Variants in NPIPB2 observed in about 807,000 individuals in gnomAD.
NPIPB2 encodes nuclear pore complex-interacting protein family member B2.
Under a neutral mutation model 30.8 loss-of-function variants are expected in NPIPB2, and 27 were observed. The ratio of observed to expected loss-of-function variants is 0.88; its 90% confidence interval spans 0.65 to 1.21. The LOEUF (loss-of-function observed/expected upper bound fraction) is 1.21, where lower values mean the gene tolerates loss of function less well. Among genes scored for constraint, NPIPB2 ranks in the 50% most tolerant of loss-of-function variants. NPIPB2 has a pLI of 0.00. For missense variants in NPIPB2, 440 were observed against 446.2 expected (o/e 0.99, Z 0.13); for synonymous variants, 147 against 162.0 (o/e 0.91, Z 0.70).
intron 1 of NPIPB2, among the ~76,000 whole-genome samples, chr16:11,950,696 T>C (rs2055053838): frequency 1.3e-5 from 2 of 151,904 alleles, no homozygotes; most frequent in Non-Finnish European, 2.9e-5. Context: ...TTTCTACCGC[T>C]CCCTCCCTCC....
upstream of NPIPB2, among the ~76,000 whole-genome samples, chr16:11,945,800 C>T (rs562607094): frequency 1.3e-5 from 2 of 152,156 alleles, no homozygotes; most frequent in East Asian, 1.9e-4. Context: ...CTATTCAGCC[C>T]ATGGGTTCTA....
chr16:11,940,738 CG>C (rs1305701890), intron 1 of NPIPB2, among the ~76,000 whole-genome samples: 2 of 115,430 alleles, frequency 1.7e-5, no homozygotes, highest in African/African-American at 3.3e-5. Context: ...CCAGCCTGGG[CG>C]ACAGAGTGAG....
intron 1 of NPIPB2, chr16:11,941,277 A>G: frequency 1.4e-6 from 2 of 1,413,912 alleles, no homozygotes; most frequent in South Asian, 1.2e-5. Flanking sequence ...TGAGGCGGCC[A>G]GGACAGAGGT....
At chr16:11,927,425 G>C (rs1156871065) in exon 8 of NPIPB2, 1 of 1,161,156 alleles carries the variant, frequency 8.6e-7, no homozygotes, top group Non-Finnish European at 1.3e-6. Context: ...CCGCCTCTTG[G>C]GCTCGGGTGA....
chr16:11,937,907 C>G (rs1398672807), intron 1 of NPIPB2, among the ~76,000 whole-genome samples: 1 of 152,084 alleles, frequency 6.6e-6, no homozygotes, highest in African/African-American at 2.4e-5. Context: ...TGGTATAAAG[C>G]AGGGATATCC....
At chr16:11,962,007 C>T (rs1410231115) in intron 1 of NPIPB2, among the ~76,000 whole-genome samples, 2 of 151,616 alleles carry the variant, frequency 1.3e-5, no homozygotes, top group Non-Finnish European at 2.9e-5. Flanking sequence ...CAAGACCAGC[C>T]TGGGCAACAT....
intron 1 of NPIPB2, among the ~76,000 whole-genome samples, chr16:11,954,312 C>A (rs1596502158): frequency 6.6e-6 from 1 of 151,544 alleles, no homozygotes; most frequent in South Asian, 2.1e-4. Context: ...TGTAGCGAGA[C>A]CCCATCTCTG....
At chr16:11,953,319 G>A (rs1442839680) in intron 1 of NPIPB2, among the ~76,000 whole-genome samples, 1 of 151,110 alleles carries the variant, frequency 6.6e-6, no homozygotes, top group African/African-American at 2.4e-5. Context: ...CTAATTTTTG[G>A]GTTTTTTGTT....
chr16:11,975,394 G>T (rs1156930428), intron 1 of NPIPB2, among the ~76,000 whole-genome samples: 1 of 150,694 alleles, frequency 6.6e-6, no homozygotes, highest in Non-Finnish European at 1.5e-5. Flanking sequence ...TGATCCGCCC[G>T]CCTCGGCCTC....
rs3885011 is a variant in NPIPB2 at position 11,949,872 on chromosome 16, G to T, written c.-583-7758C>A. Among the ~76,000 whole-genome samples the T allele has an allele frequency of 9.1e-3, 1,381 of 152,264 alleles. 16 individuals are homozygous for T. Among genetic ancestry groups the T allele is most frequent in the South Asian group, 0.023 (109 of 4,824 alleles). On this transcript the variant is annotated intron_variant, in intron 1 of 5. Coordinates refer to the NPIPB2 transcript ENST00000538896. ...GGTTGATGAATGCGGCCTTTCCCCA[G>T]AGATTCTGGTTGTCTAAGATCTATC...
At chr16:11,970,720 T>A (rs1038564911) in intron 1 of NPIPB2, among the ~76,000 whole-genome samples, 3 of 151,548 alleles carry the variant, frequency 2.0e-5, no homozygotes, top group African/African-American at 7.3e-5. Flanking sequence ...ATTTTTAATA[T>A]AGACGGGGTT....
chr16:11,961,488 T>C (rs1359900580), intron 1 of NPIPB2, among the ~76,000 whole-genome samples: 1 of 152,024 alleles, frequency 6.6e-6, no homozygotes, highest in African/African-American at 2.4e-5. Context: ...ACTTTAAAAA[T>C]ACAAAAAGAG....
intron 1 of NPIPB2, among the ~76,000 whole-genome samples, chr16:11,954,049 T>C (rs2055090222): frequency 1.3e-5 from 2 of 152,132 alleles, no homozygotes; most frequent in South Asian, 2.1e-4. Flanking sequence ...AAAATTATAG[T>C]ATAAATGTTA....
intron 1 of NPIPB2, chr16:11,967,749 G>C (rs150352299): frequency 6.2e-7 from 1 of 1,614,188 alleles, no homozygotes. Flanking sequence ...GGAGGAAGGC[G>C]CAACCATTCT....
intron 1 of NPIPB2, chr16:11,965,362 A>G (rs1234414869): frequency 1.9e-6 from 3 of 1,614,098 alleles, no homozygotes; most frequent in Admixed American, 3.3e-5. Context: ...CAAAATGAAT[A>G]TTTTGACAGT....
upstream of NPIPB2, among the ~76,000 whole-genome samples, chr16:11,946,883 C>G (rs2055016048): frequency 6.6e-6 from 1 of 151,614 alleles, no homozygotes; most frequent in African/African-American, 2.4e-5. Flanking sequence ...CCACACCCGG[C>G]TAATTTTTGT....
At chr16:11,946,716 T>C (rs1427941935), upstream of NPIPB2, among the ~76,000 whole-genome samples, 3 of 152,102 alleles carry the variant, frequency 2.0e-5, no homozygotes, top group Non-Finnish European at 4.4e-5. Context: ...GGCCTGCCAC[T>C]TTGGAAAGCA....
chr16:11,963,380 C>CAAAAAAA (rs35810741), intron 1 of NPIPB2, among the ~76,000 whole-genome samples: 2 of 62,614 alleles, frequency 3.2e-5, no homozygotes, highest in Non-Finnish European at 3.5e-5. Context: ...AACTCCAGCT[C>CAAAAAAA]AAAAAAAAAA....
upstream of NPIPB2, among the ~76,000 whole-genome samples, chr16:11,946,510 C>T (rs527495558): frequency 1.2e-4 from 18 of 151,626 alleles, no homozygotes; most frequent in African/African-American, 3.4e-4. Context: ...AAGTTTGAGG[C>T]TACTGTGAGC....
Sources: allele counts gnomAD v4.1 joint callset (sites outside exome capture counted in the v4.1 genomes callset), GRCh38; gene constraint gnomAD v4.1.1; transcripts MANE v1.5; gene names NCBI Gene and HGNC (gene_info 2026-07-23, HGNC 2026-07-21).